NUP58: variants seen among roughly 807,000 people sequenced by gnomAD.
NUP58 encodes nucleoporin p58/p45.
NUP58 carries 17 observed loss-of-function variants against 70.1 expected under a neutral mutation model. The observed-to-expected ratio is 0.24, with a 90% CI of 0.17 to 0.36. NUP58 has a LOEUF of 0.36. NUP58 is among the 10% of genes least tolerant of loss of function. The pLI is 1.00. For missense variants in NUP58, 644 were observed against 701.5 expected (o/e 0.92, Z 0.93); for synonymous variants, 275 against 257.6 (o/e 1.07, Z -0.65).
intron 3 of NUP58, 58 bp from the exon 4 acceptor site, chr13:25,312,825 A>G (rs2030736487): frequency 1.3e-6 from 2 of 1,507,702 alleles, no homozygotes; most frequent in African/African-American, 1.4e-5. Context: ...ATAATAGAAC[A>G]CTTACAGGTA....
chr13:25,323,378 TTAA>T (rs869229881), intron 9 of NUP58, among the ~76,000 whole-genome samples: 1 of 18,620 alleles, frequency 5.4e-5, no homozygotes, highest in Non-Finnish European at 1.0e-3. Flanking sequence ...TAAAATTAAA[TTAA>T]AAAAAAAAAG....
At chr13:25,328,019 T>C (rs1360240236) in intron 12 of NUP58, among the ~76,000 whole-genome samples, 1 of 151,878 alleles carries the variant, frequency 6.6e-6, no homozygotes, top group Non-Finnish European at 1.5e-5. Flanking sequence ...GCCAATATGG[T>C]GAAACCCCGT....
downstream of NUP58, among the ~76,000 whole-genome samples, chr13:25,345,702 C>G (rs1416077100): frequency 6.6e-6 from 1 of 152,052 alleles, no homozygotes; most frequent in Non-Finnish European, 1.5e-5. Flanking sequence ...TTGTATGACC[C>G]CTGTGACTCA....
chr13:25,320,429 T>C, intron 7 of NUP58, 101 bp from the exon 8 acceptor site: 1 of 725,504 alleles, frequency 1.4e-6, no homozygotes, highest in East Asian at 2.9e-5. Flanking sequence ...GCTTTTTTGC[T>C]ATATTTTCTT....
chr13:25,343,040 G>C (rs181437011), downstream of NUP58, among the ~76,000 whole-genome samples: 1 of 151,942 alleles, frequency 6.6e-6, no homozygotes, highest in East Asian at 1.9e-4. Context: ...TATTTCCATA[G>C]ATTATTGGTG....
intron 9 of NUP58, among the ~76,000 whole-genome samples, chr13:25,321,955 A>C (rs943928903): frequency 2.6e-5 from 4 of 152,160 alleles, no homozygotes; most frequent in African/African-American, 9.7e-5. Flanking sequence ...AATGTGGCTA[A>C]TGTTGTCTGT....
Position 25,341,615 on chromosome 13 carries a change from C to T in NUP58, c.*1481C>T, listed in dbSNP as rs559566412. ...CAGTGAACAGAGCTCCAGGTAATAA[C>T]GCATAGGCATGTCAGGTTGCATCTG... is the stretch of plus-strand genomic sequence containing the variant. On this transcript the variant is annotated 3_prime_UTR_variant, in exon 16 of 16. Transcript: ENST00000381736. 2.9e-4 allele frequency: 44 copies of T among 152,562 alleles called. No homozygotes were observed. The highest frequency in any genetic ancestry group is 5.7e-4 in the Non-Finnish European group (39 of 68,022). The allele number at this position is 152,562 out of a possible 1,614,324, so 9.5% of individuals were successfully genotyped here.
chr13:25,313,158 A>G (rs1593180564), intron 4 of NUP58, 126 bp downstream of exon 4: 13 of 1,136,724 alleles, frequency 1.1e-5, no homozygotes, highest in East Asian at 2.5e-5. Flanking sequence ...AGCTTTGAGC[A>G]TTGAAGCAGG....
At chr13:25,324,622 C>T (rs2031319727) in intron 9 of NUP58, among the ~76,000 whole-genome samples, 1 of 151,866 alleles carries the variant, frequency 6.6e-6, no homozygotes, top group Admixed American at 6.6e-5. Flanking sequence ...GCCTCAGCCT[C>T]AACATTATTA....
At chr13:25,306,103 T>C (rs1024369693) in intron 1 of NUP58, among the ~76,000 whole-genome samples, 2 of 152,014 alleles carry the variant, frequency 1.3e-5, no homozygotes, top group Admixed American at 6.6e-5. Flanking sequence ...TGAACCCTTA[T>C]ATTTAAAAAA....
intron 3 of NUP58, among the ~76,000 whole-genome samples, chr13:25,311,654 C>T (rs1354343487): frequency 6.8e-6 from 1 of 148,052 alleles, no homozygotes. Context: ...GGATTACAGA[C>T]GTGAGCCACG....
chr13:25,306,364 A>G (rs2030358138), intron 1 of NUP58, among the ~76,000 whole-genome samples: 1 of 149,796 alleles, frequency 6.7e-6, no homozygotes, highest in Non-Finnish European at 1.5e-5. Context: ...ACTGCACTCC[A>G]GCCTGGGCAA....
At position 25,341,205 on chromosome 13, in the gene NUP58, T is replaced by C. The variant is rs1239228038; in HGVS notation, c.*1071T>C. 1 of 152,488 alleles carries C rather than the reference T, an allele frequency of 6.6e-6. No individual in the cohort carries two copies. The highest frequency in any genetic ancestry group is 1.5e-5 in the Non-Finnish European group (1 of 68,040). 9.4% of individuals were successfully genotyped at this position (152,488 alleles called of 1,614,324 possible). On this transcript the variant is annotated 3_prime_UTR_variant, in exon 16 of 16. Transcript: ENST00000381736. ...AGCAGCTCCTCCAAATGAGGAATGCTGTAAGTAAGACTCATCAAACAGATT... is the reference window on the plus strand; with the variant it reads ...AGCAGCTCCTCCAAATGAGGAATGCCGTAAGTAAGACTCATCAAACAGATT...
intron 13 of NUP58, chr13:25,332,972 G>T: frequency 1.0e-6 from 1 of 985,308 alleles, no homozygotes; most frequent in Non-Finnish European, 1.2e-6. Context: ...AAGTAGATAA[G>T]TGTAGATTTG....
In NUP58 at chr13:25,327,139, A is replaced by C. The variant is rs2031426557; in HGVS notation, c.1150+105A>C. 1.5e-5 allele frequency: 10 copies of C among 648,204 alleles called. No individual in the cohort carries two copies. The South Asian group carries it at 2.4e-4, about 16-fold the overall frequency. 40.2% of individuals were successfully genotyped at this position (648,204 alleles called of 1,614,324 possible). On this transcript the variant is annotated intron_variant, in intron 11 of 15. Coordinates refer to ENST00000381736, the MANE Select transcript of NUP58 (RefSeq NM_014089.4). Reference sequence around the variant, plus strand: ...TAACTACTGGTAGCCCCTTTAAGAAAATTTCCTTAAAAGTCATTTACTACT... The same window carrying C: ...TAACTACTGGTAGCCCCTTTAAGAACATTTCCTTAAAAGTCATTTACTACT...
At chr13:25,343,457 A>C (rs1203895917), downstream of NUP58, among the ~76,000 whole-genome samples, 1 of 149,878 alleles carries the variant, frequency 6.7e-6, no homozygotes, top group African/African-American at 2.5e-5. Context: ...AAATGCCATT[A>C]ATTCATTCCT....
chr13:25,317,208 A>C (rs905446673), intron 6 of NUP58, among the ~76,000 whole-genome samples: 1 of 152,182 alleles, frequency 6.6e-6, no homozygotes, highest in Non-Finnish European at 1.5e-5. Flanking sequence ...CTTTTGAGGA[A>C]ATGATAGAAG....
At chr13:25,343,784 T>C (rs371571210), downstream of NUP58, among the ~76,000 whole-genome samples, 30 of 148,036 alleles carry the variant, frequency 2.0e-4, no homozygotes, top group South Asian at 6.2e-3. Context: ...TTAGTGGCTG[T>C]GTAGTATTCC....
chr13:25,312,354 T>C (rs1294044330), intron 3 of NUP58, among the ~76,000 whole-genome samples: 1 of 152,026 alleles, frequency 6.6e-6, no homozygotes, highest in Non-Finnish European at 1.5e-5. Flanking sequence ...GTTACATCGA[T>C]TGGATTTTCT....
Sources: gnomAD v4.1 joint callset for allele counts (sites outside exome capture counted in the v4.1 genomes callset) on GRCh38, gnomAD v4.1.1 for gene constraint, MANE v1.5 for transcripts, NCBI Gene and HGNC (gene_info 2026-07-23, HGNC 2026-07-21) for gene names.